Variants in TAB1 observed in about 807,000 individuals in gnomAD.
The protein encoded by TAB1 is TGF-beta-activated kinase 1 and MAP3K7-binding protein 1.
In TAB1, 30 loss-of-function variants were observed where a neutral mutation model predicts 54.5. The observed-to-expected ratio is 0.55, with a 90% CI of 0.41 to 0.75. TAB1 has a LOEUF of 0.75. TAB1 is among the 30% of genes least tolerant of loss of function. The pLI is 0.00. For synonymous variants in TAB1, 289 were observed against 286.9 expected (o/e 1.01, Z -0.07); for missense variants, 609 against 683.2 (o/e 0.89, Z 1.21).
downstream of TAB1, chr22:39,431,904 C>T: frequency 3.0e-6 from 3 of 984,754 alleles, no homozygotes; most frequent in Non-Finnish European, 3.6e-6. Context: ...CTCATGTTTC[C>T]TGTAACTCGC....
chr22:39,400,037 C>T (rs1926063803), intron 1 of TAB1, among the ~76,000 whole-genome samples: 1 of 152,130 alleles, frequency 6.6e-6, no homozygotes. Context: ...GCCCCCGGGT[C>T]AAGGGCGCCG....
At chr22:39,434,221 G>A (rs1927700190), downstream of TAB1, among the ~76,000 whole-genome samples, 1 of 152,260 alleles carries the variant, frequency 6.6e-6, no homozygotes, top group African/African-American at 2.4e-5. Context: ...AGGTACAGGT[G>A]ACGGGAGCGT....
chr22:39,420,775 CTG>C (rs71326771), intron 7 of TAB1, among the ~76,000 whole-genome samples: 4,632 of 71,756 alleles, frequency 0.065, 266 homozygotes, highest in African/African-American at 0.14. Flanking sequence ...CACGGTGTCT[CTG>C]TGTGTGTGTG....
At chr22:39,429,248 A>C in intron 10 of TAB1, 1 of 985,270 alleles carries the variant, frequency 1.0e-6, no homozygotes, top group Non-Finnish European at 1.2e-6. Context: ...TGATGAGAAG[A>C]GATTGAAGGG....
At position 39,417,762 on chromosome 22, in the gene TAB1, C is replaced by T. The variant is rs753549916; in HGVS notation, c.463C>T (p.Leu155Phe). The T allele has an allele frequency of 4.1e-5, 66 of 1,613,240 alleles. No individual in the cohort carries two copies. In the African/African-American group the frequency reaches 6.7e-4, roughly 16 times the overall value. ...PPQYQKILER[L>F]KTLEREISGG... Reference sequence around the variant, plus strand: ...TCAGTATCAGAAGATCCTTGAGAGACTCAAGACGTTAGAGAGGGAAATTTC... The same window carrying T: ...TCAGTATCAGAAGATCCTTGAGAGATTCAAGACGTTAGAGAGGGAAATTTC... Residue 155 changes from leucine (L) to phenylalanine (F), a missense_variant, in exon 5 of 11, where the codon CTC becomes TTC. Physicochemically the swap from Leu to Phe is conservative, Grantham distance 22. Transcript: ENST00000216160.
At chr22:39,411,582 A>G (rs991800815) in intron 1 of TAB1, among the ~76,000 whole-genome samples, 4 of 152,174 alleles carry the variant, frequency 2.6e-5, no homozygotes, top group African/African-American at 9.7e-5. Context: ...GAAAAAGACA[A>G]TACCACATGG....
chr22:39,414,856 C>A, intron 1 of TAB1, 150 bp from the exon 2 acceptor site: 2 of 795,376 alleles, frequency 2.5e-6, no homozygotes, highest in Non-Finnish European at 3.9e-6. Flanking sequence ...GGTGTCTGTT[C>A]ATACAAACAT....
At chr22:39,420,773 C>CTGTGTGTGTG (rs765689530) in intron 7 of TAB1, among the ~76,000 whole-genome samples, 17 of 106,178 alleles carry the variant, frequency 1.6e-4, no homozygotes, top group Non-Finnish European at 5.6e-5. Context: ...CACACGGTGT[C>CTGTGTGTGTG]TCTGTGTGTG....
In TAB1 at chr22:39,426,960, A is replaced by T. The variant is rs752796727; in HGVS notation, c.1144+35A>T. 3 of 1,591,504 alleles carry T rather than the reference A, an allele frequency of 1.9e-6. No homozygotes were observed. The African/African-American group carries it at 4.0e-5, about 21-fold the overall frequency. On this transcript the variant is annotated intron_variant, in intron 9 of 10. Transcript: ENST00000216160. ...CTGTGCAGACAGGCAGTGCCTGGGG[A>T]TGCCATCTGGGGGCCAGAGGTGGGT...
At chr22:39,418,889 A>G in intron 6 of TAB1, 44 bp downstream of exon 6, 1 of 1,498,882 alleles carries the variant, frequency 6.7e-7, no homozygotes, top group Non-Finnish European at 9.3e-7. Context: ...CCATGGGCTC[A>G]CCCTTCGCCT....
In TAB1 at chr22:39,417,668, T is replaced by G. The variant is rs534450268; in HGVS notation, c.412-43T>G. The G allele has an allele frequency of 2.0e-6, 3 of 1,530,724 alleles. No homozygotes were observed. In the African/African-American group the frequency reaches 4.2e-5, roughly 22 times the overall value. 94.8% of individuals were successfully genotyped at this position (1,530,724 alleles called of 1,614,324 possible). A position where few individuals can be genotyped will look rare whatever the true frequency, so the allele number is the denominator to read the frequency against. ...GGAGTGGAGAGGGCTAGGAAGATGGTCCAGAGTTCTGTCCTGCCCTGACCC... is the reference window on the plus strand; with the variant it reads ...GGAGTGGAGAGGGCTAGGAAGATGGGCCAGAGTTCTGTCCTGCCCTGACCC... On this transcript the variant is annotated intron_variant, in intron 4 of 10. Transcript: ENST00000216160.
chr22:39,404,899 G>A (rs1444376644), intron 1 of TAB1, among the ~76,000 whole-genome samples: 1 of 152,210 alleles, frequency 6.6e-6, no homozygotes, highest in Non-Finnish European at 1.5e-5. Context: ...TGGTCTCAGA[G>A]AAGTGGGTCA....
rs142052623 is a variant in TAB1, at chr22:39,430,204, C to T, written c.1497C>T (p.Ser499=). ...RLWSVDHGEQ[S]VVTAP is the part of the protein sequence containing the mutation. The stretch of plus-strand genomic sequence containing the variant: ...GGAGCGTGGACCATGGCGAGCAGAG[C>T]GTGGTGACAGCACCGTAGGGCAGCC... Residue 499 remains serine, a synonymous_variant, in exon 11 of 11, where the codon AGC becomes AGT. Coordinates refer to ENST00000216160, the MANE Select transcript of TAB1 (RefSeq NM_006116.3). The T allele has an allele frequency of 1.9e-6, 3 of 1,612,852 alleles. No homozygotes were observed. Among genetic ancestry groups the T allele is most frequent in the East Asian group, 2.2e-5 (1 of 44,886 alleles).
At chr22:39,419,652 C>G (rs373430522) in intron 7 of TAB1, 22 bp downstream of exon 7, 3 of 1,550,634 alleles carry the variant, frequency 1.9e-6, no homozygotes, top group South Asian at 2.3e-5. Context: ...CCCAGCTGTC[C>G]CCTGTGCTTG....
chr22:39,417,849 G>C lies in TAB1; in HGVS notation c.550G>C (p.Gly184Arg). 6.2e-7 allele frequency: 1 copy of C among 1,603,328 alleles called. No individual in the cohort carries two copies. Among genetic ancestry groups the C allele is most frequent in the Non-Finnish European group, 8.5e-7 (1 of 1,174,650 alleles). ...LNNKLYVANVGTNRALLCKST... is the reference protein window; with the variant it reads ...LNNKLYVANVRTNRALLCKST... The stretch of plus-strand genomic sequence containing the variant: ...CAACAAGCTCTACGTCGCCAATGTC[G>C]GTGAGCCCCCTCCTGTCCCAGGGCA... Residue 184 changes from glycine (G) to arginine (R), a missense_variant and splice_region_variant, in exon 5 of 11, where the codon GGT becomes CGT. Physicochemically the swap from Gly to Arg is moderately radical, Grantham distance 125. Coordinates refer to ENST00000216160, the MANE Select transcript of TAB1 (RefSeq NM_006116.3).
downstream of TAB1, chr22:39,431,947 C>T: frequency 4.4e-6 from 4 of 902,368 alleles, no homozygotes; most frequent in Non-Finnish European, 5.3e-6. Context: ...CTCCCCTCTT[C>T]ACTGCCCTGG....
intron 9 of TAB1, 53 bp downstream of exon 9, chr22:39,426,978 A>T: frequency 6.4e-7 from 1 of 1,565,896 alleles, no homozygotes; most frequent in Non-Finnish European, 8.7e-7. Context: ...TGGGGGCCAG[A>T]GGTGGGTGCA....
chr22:39,409,252 G>C (rs1393269927), intron 1 of TAB1, among the ~76,000 whole-genome samples: 1 of 152,104 alleles, frequency 6.6e-6, no homozygotes, highest in Admixed American at 6.6e-5. Context: ...ATTCCAGCTG[G>C]TGGCAGGAGA....
intron 1 of TAB1, among the ~76,000 whole-genome samples, chr22:39,400,514 A>G (rs1316170528): frequency 2.0e-5 from 3 of 152,170 alleles, no homozygotes; most frequent in Non-Finnish European, 4.4e-5. Flanking sequence ...GAGAGCGCTG[A>G]GTGGAAGAAT....
Sources: gnomAD v4.1 joint callset for allele counts (sites outside exome capture counted in the v4.1 genomes callset) on GRCh38, gnomAD v4.1.1 for gene constraint, MANE v1.5 for transcripts, NCBI Gene and HGNC (gene_info 2026-07-23, HGNC 2026-07-21) for gene names.